Variants in PLCB4 observed in about 807,000 individuals in gnomAD.
PLCB4 encodes phospholipase C beta 4, also known as 1-phosphatidylinositol 4,5-bisphosphate phosphodiesterase beta-4.
Under a neutral mutation model 178.8 loss-of-function variants are expected in PLCB4, and 77 were observed. That is an observed-to-expected ratio of 0.43 (90% CI 0.36 to 0.52). The LOEUF is 0.52. Among genes scored for constraint, PLCB4 ranks in the 20% least tolerant of loss-of-function variants. PLCB4 has a pLI of 0.00. For synonymous variants in PLCB4, 496 were observed against 490.8 expected (o/e 1.01, Z -0.14); for missense variants, 1,024 against 1,453.4 (o/e 0.70, Z 4.80).
intron 12 of PLCB4, among the ~76,000 whole-genome samples, chr20:9,377,746 A>G (rs567854706): frequency 6.6e-6 from 1 of 152,294 alleles, no homozygotes; most frequent in African/African-American, 2.4e-5. Context: ...ATACCCTCTG[A>G]CTAAATTTTA....
chr20:9,081,109 G>C (rs2146514698), intron 1 of PLCB4, among the ~76,000 whole-genome samples: 1 of 152,284 alleles, frequency 6.6e-6, no homozygotes, highest in East Asian at 1.9e-4. Context: ...TATTCAGTGA[G>C]CATCAGGTAC....
At chr20:9,085,946 C>T (rs1010985137) in intron 1 of PLCB4, among the ~76,000 whole-genome samples, 1 of 152,114 alleles carries the variant, frequency 6.6e-6, no homozygotes, top group African/African-American at 2.4e-5. Flanking sequence ...AATGTGATGC[C>T]TCTTTGGTTA....
intron 7 of PLCB4, among the ~76,000 whole-genome samples, chr20:9,359,375 C>T (rs2035121599): frequency 6.6e-6 from 1 of 152,136 alleles, no homozygotes; most frequent in Non-Finnish European, 1.5e-5. Flanking sequence ...CTCTCCTTGC[C>T]CTCCAAACAA....
chr20:9,316,323 C>T (rs936435374), intron 4 of PLCB4, among the ~76,000 whole-genome samples: 42 of 152,226 alleles, frequency 2.8e-4, no homozygotes, highest in African/African-American at 8.2e-4. Flanking sequence ...CACTTAAGTA[C>T]GAGAATAAAT....
chr20:9,115,887 T>C (rs1325931474), intron 2 of PLCB4, among the ~76,000 whole-genome samples: 1 of 152,040 alleles, frequency 6.6e-6, no homozygotes, highest in Non-Finnish European at 1.5e-5. Context: ...ATTTGGCCTT[T>C]TTCAAATTTG....
chr20:9,447,671 C>G (rs891126392), intron 32 of PLCB4, among the ~76,000 whole-genome samples: 14 of 152,222 alleles, frequency 9.2e-5, no homozygotes, highest in Non-Finnish European at 1.8e-4. Context: ...AGCCTACCGG[C>G]TATTCAACAG....
At chr20:9,403,956 G>A (rs936520420) in intron 20 of PLCB4, among the ~76,000 whole-genome samples, 6 of 152,220 alleles carry the variant, frequency 3.9e-5, no homozygotes, top group Non-Finnish European at 8.8e-5. Flanking sequence ...GCCAGGCAGG[G>A]TGGTGACACT....
At chr20:9,084,026 G>T (rs1300969965) in intron 1 of PLCB4, among the ~76,000 whole-genome samples, 1 of 152,182 alleles carries the variant, frequency 6.6e-6, no homozygotes, top group African/African-American at 2.4e-5. Flanking sequence ...CAGAAACAAA[G>T]TATTACAGAC....
chr20:9,073,604 C>T (rs1033590673), intron 1 of PLCB4, among the ~76,000 whole-genome samples: 21 of 152,212 alleles, frequency 1.4e-4, no homozygotes, highest in Admixed American at 1.0e-3. Flanking sequence ...TTATGCTGGG[C>T]CAGGCATGCT....
intron 19 of PLCB4, among the ~76,000 whole-genome samples, chr20:9,396,570 GAAT>G (rs1391618506): frequency 5.3e-5 from 8 of 152,312 alleles, no homozygotes; most frequent in African/African-American, 1.9e-4. Context: ...TGATTTTAGA[GAAT>G]TATTTGTTTG....
chr20:9,392,110 T>C (rs1372878776), intron 17 of PLCB4, among the ~76,000 whole-genome samples: 1 of 152,260 alleles, frequency 6.6e-6, no homozygotes, highest in East Asian at 1.9e-4. Flanking sequence ...TTAAGGTGAT[T>C]GCTTTTGTGG....
chr20:9,449,005 G>T (rs2042584677), intron 32 of PLCB4, among the ~76,000 whole-genome samples: 1 of 152,130 alleles, frequency 6.6e-6, no homozygotes, highest in Non-Finnish European at 1.5e-5. Context: ...TCATTAAAAT[G>T]TCTATTTTTG....
chr20:9,278,946 C>G (rs963280539), intron 3 of PLCB4, among the ~76,000 whole-genome samples: 4 of 151,988 alleles, frequency 2.6e-5, no homozygotes, highest in African/African-American at 9.7e-5. Context: ...CAGGTCCTGC[C>G]CTCATGGAGT....
chr20:9,160,882 G>A (rs1466727276), intron 2 of PLCB4, among the ~76,000 whole-genome samples: 1 of 152,142 alleles, frequency 6.6e-6, no homozygotes, highest in African/African-American at 2.4e-5. Context: ...GCCTGAAATA[G>A]CATGAAAAGG....
At chr20:9,221,191 G>A (rs2093794247) in intron 3 of PLCB4, among the ~76,000 whole-genome samples, 1 of 152,144 alleles carries the variant, frequency 6.6e-6, no homozygotes, top group Non-Finnish European at 1.5e-5. Context: ...TGGGGGCAGA[G>A]TTGGGGGGTG....
chr20:9,361,396 T>A (rs2035314085), intron 7 of PLCB4, among the ~76,000 whole-genome samples: 1 of 152,204 alleles, frequency 6.6e-6, no homozygotes, highest in South Asian at 2.1e-4. Context: ...AAATTCTGTA[T>A]GGTTCCATTT....
At chr20:9,455,606 C>T (rs573266926) in intron 33 of PLCB4, among the ~76,000 whole-genome samples, 2 of 152,196 alleles carry the variant, frequency 1.3e-5, no homozygotes, top group East Asian at 3.9e-4. Flanking sequence ...AAATAAAGCC[C>T]TGTTTTATCC....
intron 30 of PLCB4, among the ~76,000 whole-genome samples, chr20:9,438,487 T>C (rs2041918918): frequency 6.6e-6 from 1 of 151,938 alleles, no homozygotes; most frequent in African/African-American, 2.4e-5. Context: ...GATTGTACCA[T>C]TGAGAGAAGT....
chr20:9,417,848 A>T (rs2040360087), intron 25 of PLCB4, among the ~76,000 whole-genome samples: 1 of 152,188 alleles, frequency 6.6e-6, no homozygotes, highest in Non-Finnish European at 1.5e-5. Context: ...ATTTCTCCAC[A>T]TCCTTGTCAA....
Sources: gnomAD v4.1 joint callset for allele counts (sites outside exome capture counted in the v4.1 genomes callset) on GRCh38, gnomAD v4.1.1 for gene constraint, MANE v1.5 for transcripts, NCBI Gene and HGNC (gene_info 2026-07-23, HGNC 2026-07-21) for gene names.